Variants in TRIB1 observed in about 807,000 individuals in gnomAD.
TRIB1 encodes tribbles pseudokinase 1, also known as tribbles homolog 1.
TRIB1 carries 12 observed loss-of-function variants against 27.8 expected under a neutral mutation model. The ratio of observed to expected loss-of-function variants is 0.43; its 90% confidence interval spans 0.28 to 0.70. The LOEUF is 0.70. Ranked by LOEUF, TRIB1 falls within the 30% of genes least tolerant of loss-of-function variation. The pLI, the probability that TRIB1 is intolerant of heterozygous loss-of-function variation, is 0.18. For missense variants in TRIB1, 475 were observed against 515.8 expected, an observed-to-expected ratio of 0.92 and a Z score of 0.77; for synonymous variants, 230 against 224.9, an observed-to-expected ratio of 1.02 and a Z score of -0.20.
intron 2 of TRIB1, among the ~76,000 whole-genome samples, chr8:125,434,975 C>T (rs182635589): frequency 9.2e-5 from 14 of 151,924 alleles, no homozygotes; most frequent in African/African-American, 3.4e-4. Context: ...GACCCATCAG[C>T]CAGTACCAAA....
chr8:125,436,753 G>A lies in TRIB1; in HGVS notation c.*282G>A, dbSNP rs1188288456. The stretch of plus-strand genomic sequence containing the variant: ...TTCCGCATCTTTTGTGGAGGGCAGA[G>A]TATGGACATCTTACACCCGGTGGTC... On this transcript the variant is annotated 3_prime_UTR_variant, in exon 3 of 3. Transcript: ENST00000311922. The A allele has an allele frequency of 2.0e-6, 1 of 503,296 alleles. No homozygotes were observed. Among genetic ancestry groups the A allele is most frequent in the East Asian group, 3.4e-5 (1 of 29,440 alleles). 31.2% of individuals were successfully genotyped at this position (503,296 alleles called of 1,614,324 possible).
At chr8:125,434,937 AAAC>A (rs1294440893) in intron 2 of TRIB1, among the ~76,000 whole-genome samples, 3 of 152,148 alleles carry the variant, frequency 2.0e-5, no homozygotes, top group Non-Finnish European at 4.4e-5. Flanking sequence ...AAAAAAAAAA[AAAC>A]AGACCTTTGA....
chr8:125,436,341 C>A lies in TRIB1; in HGVS notation c.989C>A (p.Pro330His). ...RREPSERLTA[P>H]EILLHPWFES... Reference sequence around the variant, plus strand: ...GAGCCCTCCGAGAGACTCACTGCCCCCGAGATCCTACTGCACCCCTGGTTT... The same window carrying A: ...GAGCCCTCCGAGAGACTCACTGCCCACGAGATCCTACTGCACCCCTGGTTT... Residue 330 changes from proline (P) to histidine (H), a missense_variant, in exon 3 of 3, where the codon CCC (proline) becomes CAC (histidine). Physicochemically the swap from Pro to His is moderately conservative, Grantham distance 77 (BLOSUM62 -2). Transcript: ENST00000311922. 1 of 1,614,060 alleles carries A rather than the reference C, an allele frequency of 6.2e-7. No individual in the cohort carries two copies.
At chr8:125,431,883 CG>C (rs1230158597) in intron 1 of TRIB1, among the ~76,000 whole-genome samples, 13 of 152,208 alleles carry the variant, frequency 8.5e-5, no homozygotes, top group African/African-American at 3.1e-4. Flanking sequence ...AAGCCCACAC[CG>C]GCCAGGAACC....
intron 1 of TRIB1, 34 bp downstream of exon 1, chr8:125,431,296 C>T: frequency 8.0e-7 from 1 of 1,252,550 alleles, no homozygotes; most frequent in African/African-American, 1.5e-5. Context: ...CGGCTGGGGT[C>T]GGGGGCGCGG....
chr8:125,431,701 C>T (rs1814660076), intron 1 of TRIB1, among the ~76,000 whole-genome samples: 2 of 152,154 alleles, frequency 1.3e-5, no homozygotes, highest in South Asian at 2.1e-4. Flanking sequence ...CGGGCTTGCA[C>T]GGCACCCGGG....
chr8:125,435,021 C>T (rs748231283), intron 2 of TRIB1, among the ~76,000 whole-genome samples: 5 of 151,956 alleles, frequency 3.3e-5, no homozygotes, highest in Non-Finnish European at 5.9e-5. Flanking sequence ...CTTACTGAAA[C>T]GGGTATTTCA....
In TRIB1 at chr8:125,436,348, C is replaced by G; in HGVS notation, c.996C>G (p.Ile332Met). ...CCGAGAGACTCACTGCCCCCGAGAT[C>G]CTACTGCACCCCTGGTTTGAGTCCG... ...EPSERLTAPEILLHPWFESVL... is the reference protein window; with the variant it reads ...EPSERLTAPEMLLHPWFESVL... The change falls in exon 3 of 3, where the codon ATC becomes ATG. Residue 332 changes from isoleucine to methionine, a missense_variant. Physicochemically the swap from Ile to Met is conservative, Grantham distance 10 (BLOSUM62 1). Coordinates refer to ENST00000311922, the MANE Select transcript of TRIB1 (RefSeq NM_025195.4). The G allele has an allele frequency of 2.5e-6, 4 of 1,614,034 alleles. No homozygotes were observed. The highest frequency in any genetic ancestry group is 3.4e-6 in the Non-Finnish European group (4 of 1,180,024).
intron 1 of TRIB1, 93 bp downstream of exon 1, chr8:125,431,355 G>A: frequency 8.3e-7 from 1 of 1,211,692 alleles, no homozygotes; most frequent in Non-Finnish European, 1.0e-6. Context: ...CGCTTGGGCT[G>A]GGCACAGGGC....
rs1361209973 is a variant in TRIB1 at position 125,436,688 on chromosome 8, T to C, written c.*217T>C. ...TGGCTGCCCTGCAAATTTGTTTCCC[T>C]TAAGGAACCCTCACCAACTATCTCT... On this transcript the variant is annotated 3_prime_UTR_variant, in exon 3 of 3. Coordinates refer to ENST00000311922, the MANE Select transcript of TRIB1 (RefSeq NM_025195.4). 11 of 596,922 alleles carry C rather than the reference T, an allele frequency of 1.8e-5. No individual in the cohort carries two copies. The South Asian group carries it at 2.3e-4, about 12-fold the overall frequency. The allele number at this position is 596,922 out of a possible 1,614,324, so 37.0% of individuals were successfully genotyped here. A position where few individuals can be genotyped will look rare whatever the true frequency, so the allele number is the denominator to read the frequency against.
Position 125,436,033 on chromosome 8 carries a change from A to G in TRIB1, c.681A>G (p.Glu227=). ...CCCAGCTTAGACTAGAAAGTCTAGAAGACACACACATAATGAAGGGGGAAG... is the reference window on the plus strand; with the variant it reads ...CCCAGCTTAGACTAGAAAGTCTAGAGGACACACACATAATGAAGGGGGAAG... ...ERTQLRLESL[E]DTHIMKGEDD... is the part of the protein sequence containing the mutation. Residue 227 remains glutamate, a synonymous_variant, in exon 3 of 3, where the codon GAA becomes GAG. Coordinates refer to ENST00000311922, the MANE Select transcript of TRIB1 (RefSeq NM_025195.4). 6.2e-7 allele frequency: 1 copy of G among 1,614,162 alleles called. No individual in the cohort carries two copies. The highest frequency in any genetic ancestry group is 8.5e-7 in the Non-Finnish European group (1 of 1,180,030).
At position 125,433,402 on chromosome 8, in the gene TRIB1, T is replaced by A. The variant is rs200241998; in HGVS notation, c.446T>A (p.Val149Glu). The A allele has an allele frequency of 2.0e-5, 33 of 1,614,230 alleles. No individual in the cohort carries two copies. Among genetic ancestry groups the A allele is most frequent in the Middle Eastern group, 3.3e-4 (2 of 6,062 alleles). Reference protein sequence around the residue: ...SHSNITGIVEVILGETKAYVF... With the variant: ...SHSNITGIVEEILGETKAYVF... ...AGCAACATTACTGGCATTGTGGAAGTGATCCTTGGGGAAACCAAGGCCTAT... is the reference window on the plus strand; with the variant it reads ...AGCAACATTACTGGCATTGTGGAAGAGATCCTTGGGGAAACCAAGGCCTAT... The change falls in exon 2 of 3, where the codon GTG becomes GAG. Residue 149 changes from valine to glutamate, a missense_variant. Physicochemically the swap from Val to Glu is moderately radical, Grantham distance 121. Coordinates refer to ENST00000311922, the MANE Select transcript of TRIB1 (RefSeq NM_025195.4). The surrounding 1 kb of genome is among the most constrained non-coding windows in gnomAD (Gnocchi z 4.4).
At position 125,436,583 on chromosome 8, in the gene TRIB1, AGCT is replaced by A. The variant is rs1304895229; in HGVS notation, c.*117_*119del. On this transcript the variant is annotated 3_prime_UTR_variant, in exon 3 of 3. Transcript: ENST00000311922. ...CAGATAATGACTGCATCAGGATGAA[AGCT>A]GCTGAACTCGGCATGGCGCCTCCTC... 14 of 1,053,570 alleles carry A rather than the reference AGCT, an allele frequency of 1.3e-5. No homozygotes were observed. The highest frequency in any genetic ancestry group is 1.9e-5 in the Non-Finnish European group (14 of 727,748). 65.3% of individuals were successfully genotyped at this position (1,053,570 alleles called of 1,614,324 possible). A position where few individuals can be genotyped will look rare whatever the true frequency, so the allele number is the denominator to read the frequency against.
Position 125,433,257 on chromosome 8 carries a change from G to T in TRIB1, c.361-60G>T. On this transcript the variant is annotated intron_variant, in intron 1 of 2. Transcript: ENST00000311922. The surrounding 1 kb of genome is among the most constrained non-coding windows in gnomAD (Gnocchi z 4.4). ...AGAACTTCTGTTCAGCTCCCTCAGG[G>T]GTTTGGGAGGCTGCCTTTGCTTTTC... 1 of 1,547,424 alleles carries T rather than the reference G, an allele frequency of 6.5e-7. No homozygotes were observed. Among genetic ancestry groups the T allele is most frequent in the African/African-American group, 1.4e-5 (1 of 72,810 alleles).
chr8:125,436,705 A>G lies in TRIB1; in HGVS notation c.*234A>G, dbSNP rs1814758060. 1 of 575,806 alleles carries G rather than the reference A, an allele frequency of 1.7e-6. No individual in the cohort carries two copies. The highest frequency in any genetic ancestry group is 1.9e-5 in the African/African-American group (1 of 53,632). The allele number at this position is 575,806 out of a possible 1,614,324, so 35.7% of individuals were successfully genotyped here. A position where few individuals can be genotyped will look rare whatever the true frequency, so the allele number is the denominator to read the frequency against. ...TGTTTCCCTTAAGGAACCCTCACCA[A>G]CTATCTCTGCTGGATTTGGGAGTTC... On this transcript the variant is annotated 3_prime_UTR_variant, in exon 3 of 3. Transcript: ENST00000311922.
Position 125,435,754 on chromosome 8 carries a change from A to G in TRIB1, c.654-252A>G, listed in dbSNP as rs532077566. Among the ~76,000 whole-genome samples, 8 of 152,338 alleles carry G rather than the reference A, an allele frequency of 5.3e-5. No homozygotes were observed. In the East Asian group the frequency reaches 1.3e-3, roughly 26 times the overall value. ...TCTTGTAAGCTCCAGCATTATGAAT[A>G]CTATTTGGGGCTTTGCCTCATACCC... On this transcript the variant is annotated intron_variant, in intron 2 of 2. Transcript: ENST00000311922.
At position 125,433,489 on chromosome 8, in the gene TRIB1, G is replaced by C; in HGVS notation, c.533G>C (p.Arg178Pro). The change falls in exon 2 of 3, where the codon CGG becomes CCG. Residue 178 changes from arginine (R) to proline (P), a missense_variant. Physicochemically the swap from Arg to Pro is moderately radical, Grantham distance 103. Transcript: ENST00000311922. This position sits in a 1 kb window ranked among gnomAD's most constrained non-coding sequence, Gnocchi z 4.4. The stretch of plus-strand genomic sequence containing the variant: ...TATGTGCGAAGCCGGAAGAGGCTGC[G>C]GGAAGAGGAAGCCGCCCGGCTCTTC... ...HSYVRSRKRL[R>P]EEEAARLFKQ... The C allele has an allele frequency of 6.2e-7, 1 of 1,614,222 alleles. No individual in the cohort carries two copies. Among genetic ancestry groups the C allele is most frequent in the Non-Finnish European group, 8.5e-7 (1 of 1,180,028 alleles).
rs1465713932 is a variant in TRIB1, at chr8:125,436,174, C to T, written c.822C>T (p.Leu274=). ...AADVWSLGVM[L]YTLLVGRYPF... ...ACGTTTGGAGCCTGGGGGTGATGCT[C>T]TACACCCTTCTGGTTGGACGATACC... Residue 274 remains leucine (L), a synonymous_variant, in exon 3 of 3, where the codon CTC becomes CTT. Transcript: ENST00000311922. The T allele has an allele frequency of 6.2e-7, 1 of 1,614,180 alleles. No homozygotes were observed. The highest frequency in any genetic ancestry group is 8.5e-7 in the Non-Finnish European group (1 of 1,180,026).
chr8:125,435,075 C>T (rs1023315531), intron 2 of TRIB1, among the ~76,000 whole-genome samples: 1 of 152,036 alleles, frequency 6.6e-6, no homozygotes. Context: ...TCAGAGCTTC[C>T]CCACCACATG....
Sources: allele counts gnomAD v4.1 joint callset (sites outside exome capture counted in the v4.1 genomes callset), GRCh38; gene constraint gnomAD v4.1.1; non-coding constraint Gnocchi (gnomAD v3.1); transcripts MANE v1.5; gene names NCBI Gene and HGNC (gene_info 2026-07-23, HGNC 2026-07-21).